Variants in LCTL observed in about 807,000 individuals in gnomAD.
LCTL encodes lactase-like protein.
A neutral mutation model predicts 75.8 loss-of-function variants in LCTL; 76 were observed. The ratio of observed to expected loss-of-function variants is 1.00; its 90% CI spans 0.83 to 1.21. The LOEUF (loss-of-function observed/expected upper bound fraction) is 1.21, where lower values mean the gene tolerates loss of function less well. Ranked by LOEUF, LCTL falls within the 50% of genes most tolerant of loss-of-function variation. The probability of loss-of-function intolerance (pLI) is 0.00; values close to 1 mark genes in which losing one functional copy is unlikely to be tolerated. For missense variants in LCTL, 670 were observed against 712.4 expected (o/e 0.94, Z 0.68); for synonymous variants, 271 against 268.8 (o/e 1.01, Z -0.08).
At chr15:66,549,944 T>G in intron 12 of LCTL, 97 bp downstream of exon 13, 1 of 732,678 alleles carries the variant, frequency 1.4e-6, no homozygotes, top group Non-Finnish European at 2.1e-6. Flanking sequence ...TTTGGAAGAT[T>G]GACTTCAAGT....
chr15:66,552,957 C>T, intron 9 of LCTL, 27 bp downstream of exon 10: 7 of 1,426,252 alleles, frequency 4.9e-6, no homozygotes, highest in Non-Finnish European at 6.4e-6. Context: ...TCTAAATGTC[C>T]TTTGAATAGC....
At chr15:66,564,692 C>T (rs779734813) in exon 2 of LCTL, 2 of 1,612,626 alleles carry the variant, frequency 1.2e-6, no homozygotes, top group South Asian at 1.1e-5. Flanking sequence ...CTTGTAGTAG[C>T]CGTCACAGGC....
chr15:66,556,013 A>G (rs1033953014), intron 8 of LCTL, among the ~76,000 whole-genome samples: 7 of 152,352 alleles, frequency 4.6e-5, no homozygotes, highest in African/African-American at 1.7e-4. Flanking sequence ...AAGTGTTGGC[A>G]AGGATGTGGA....
chr15:66,562,347 G>T (rs1895910559), intron 4 of LCTL, among the ~76,000 whole-genome samples: 1 of 150,740 alleles, frequency 6.6e-6, no homozygotes, highest in Non-Finnish European at 1.5e-5. Flanking sequence ...AGGCTGTAGT[G>T]AGCCGAGATC....
At chr15:66,552,289 T>A in intron 9 of LCTL, 120 bp from the exon 11 acceptor site, 1 of 752,624 alleles carries the variant, frequency 1.3e-6, no homozygotes, top group Non-Finnish European at 2.1e-6. Context: ...AAGTGTATTT[T>A]GGCATTTAGT....
intron 4 of LCTL, among the ~76,000 whole-genome samples, chr15:66,562,168 C>T (rs958774584): frequency 4.6e-5 from 7 of 152,034 alleles, no homozygotes; most frequent in Non-Finnish European, 1.0e-4. Context: ...TTTGGGAGGC[C>T]GAGGCAGCTG....
chr15:66,555,926 T>A (rs1201945955), intron 8 of LCTL, among the ~76,000 whole-genome samples: 2 of 152,166 alleles, frequency 1.3e-5, no homozygotes, highest in East Asian at 3.8e-4. Flanking sequence ...TTACTAATCA[T>A]TAGGGAAACA....
chr15:66,548,639 A>ATCCTGTTCTCATTTGT, intron 12 of LCTL, 34 bp from the exon 14 acceptor site: 2 of 1,104,660 alleles, frequency 1.8e-6, no homozygotes, highest in Non-Finnish European at 2.8e-6. Context: ...ACCACAAATG[A>ATCCTGTTCTCATTTGT]GAACAGGATC....
intron 8 of LCTL, among the ~76,000 whole-genome samples, chr15:66,553,856 A>G (rs1194824393): frequency 1.3e-5 from 2 of 151,708 alleles, no homozygotes; most frequent in African/African-American, 2.4e-5. Flanking sequence ...TGTTCCTTAC[A>G]TTAAAAATGG....
intron 9 of LCTL, 78 bp downstream of exon 10, chr15:66,552,906 T>C (rs935371675): frequency 2.6e-5 from 33 of 1,265,638 alleles, no homozygotes; most frequent in Non-Finnish European, 3.4e-5. Context: ...AACTTTCTAA[T>C]GTAGGCACCT....
At chr15:66,558,193 G>C (rs1265933769) in intron 6 of LCTL, among the ~76,000 whole-genome samples, 157 bp from the exon 8 acceptor site, 3 of 152,092 alleles carry the variant, frequency 2.0e-5, no homozygotes, top group Non-Finnish European at 2.9e-5. Context: ...CTAACTTCTT[G>C]AGGCACTTAT....
At position 66,553,129 on chromosome 15, in the gene LCTL, TCCGTGATGTA is replaced by T; in HGVS notation, c.1042_1051del (p.Tyr348LysfsTer18). The stretch of plus-strand genomic sequence containing the variant: ...CCCCTGGCGGGAGGGGTAGTTCCTT[TCCGTGATGTA>T]CCGAGTAGTAAAATGACCTAATCCC... On this transcript the variant is annotated frameshift_variant, in exon 9 of 13. Coordinates refer to ENST00000341509, the Ensembl canonical transcript of LCTL. LOFTEE classifies it high-confidence loss of function. 6.2e-7 allele frequency: 1 copy of T among 1,612,052 alleles called. No homozygotes were observed. Among genetic ancestry groups the T allele is most frequent in the Non-Finnish European group, 8.5e-7 (1 of 1,179,200 alleles).
intron 11 of LCTL, among the ~76,000 whole-genome samples, chr15:66,550,449 A>T (rs1895554879): frequency 1.3e-5 from 2 of 152,270 alleles, no homozygotes; most frequent in East Asian, 1.9e-4. Flanking sequence ...AGTGAAATTT[A>T]CTTTTTAAAA....
At chr15:66,559,101 G>C (rs1464694067) in intron 6 of LCTL, among the ~76,000 whole-genome samples, 2 of 150,270 alleles carry the variant, frequency 1.3e-5, no homozygotes, top group African/African-American at 4.9e-5. Context: ...AGGCTCAAGT[G>C]ATCCTCCTGC....
At chr15:66,556,787 A>G (rs1457363177) in intron 8 of LCTL, among the ~76,000 whole-genome samples, 3 of 152,138 alleles carry the variant, frequency 2.0e-5, no homozygotes, top group African/African-American at 7.2e-5. Context: ...GTTGCCAGGG[A>G]CTCGGCAAAG....
intron 8 of LCTL, among the ~76,000 whole-genome samples, chr15:66,557,406 CT>C (rs1895764824): frequency 6.6e-6 from 1 of 152,104 alleles, no homozygotes; most frequent in Non-Finnish European, 1.5e-5. Context: ...TGTCTGACCT[CT>C]CTCCTGCTTG....
intron 11 of LCTL, among the ~76,000 whole-genome samples, chr15:66,551,203 T>C (rs958029366): frequency 6.6e-6 from 1 of 151,414 alleles, no homozygotes; most frequent in Non-Finnish European, 1.5e-5. Context: ...AAAAATTAGC[T>C]GGGCGTGGTG....
chr15:66,561,260 C>A (rs1895881052), exon 5 of LCTL: 2 of 1,614,244 alleles, frequency 1.2e-6, no homozygotes, highest in Non-Finnish European at 1.7e-6. Flanking sequence ...GGCGTAGTCT[C>A]TGAAGTAGTT....
intron 2 of LCTL, 46 bp downstream of exon 3, chr15:66,564,630 T>G: frequency 6.3e-7 from 1 of 1,585,312 alleles, no homozygotes; most frequent in Non-Finnish European, 8.6e-7. Context: ...TACTCACATG[T>G]GTGTGCACGC....
Sources: gnomAD v4.1 joint callset for allele counts (sites outside exome capture counted in the v4.1 genomes callset) on GRCh38, gnomAD v4.1.1 for gene constraint, MANE v1.5 for transcripts, NCBI Gene and HGNC (gene_info 2026-07-23, HGNC 2026-07-21) for gene names.